The following LAMP5 variants were observed in gnomAD, a reference collection of about 807,000 sequenced individuals.
LAMP5 encodes the protein lysosome-associated membrane glycoprotein 5.
LAMP5 carries 36 observed loss-of-function variants against 30.2 expected under a neutral mutation model. That is an observed-to-expected ratio of 1.19 (90% CI 0.91 to 1.57). The LOEUF is 1.57. Ranked by LOEUF, LAMP5 falls within the 40% of genes most tolerant of loss-of-function variation. The probability of loss-of-function intolerance (pLI) is 0.00; values close to 1 mark genes in which losing one functional copy is unlikely to be tolerated. For synonymous variants in LAMP5, 149 were observed against 134.6 expected, an observed-to-expected ratio of 1.11 and a Z score of -0.74; for missense variants, 377 against 354.9, an observed-to-expected ratio of 1.06 and a Z score of -0.50.
intron 5 of LAMP5, among the ~76,000 whole-genome samples, chr20:9,526,506 G>A (rs1292619373): frequency 1.3e-5 from 2 of 152,116 alleles, no homozygotes; most frequent in Admixed American, 6.5e-5. Context: ...GTATCATACT[G>A]GCGAAGAAGA....
At position 9,514,662 on chromosome 20, in the gene LAMP5, C is replaced by A; in HGVS notation, c.-191C>A. 1.8e-6 allele frequency: 1 copy of A among 541,244 alleles called. No individual in the cohort carries two copies. 33.5% of individuals were successfully genotyped at this position (541,244 alleles called of 1,614,324 possible). A position where few individuals can be genotyped will look rare whatever the true frequency, so the allele number is the denominator to read the frequency against. Reference sequence around the variant, plus strand: ...CTCCGCAGTGAGCCGATTTGCTCTGCCAGCAGCTGTCGGTGCCGCGCTCGA... The same window carrying A: ...CTCCGCAGTGAGCCGATTTGCTCTGACAGCAGCTGTCGGTGCCGCGCTCGA... On this transcript the variant is annotated 5_prime_UTR_variant, in exon 1 of 6. Transcript: ENST00000246070.
rs373205650 is a variant in LAMP5 at position 9,529,674 on chromosome 20, C to G, written c.697C>G (p.Leu233Val). 39 of 1,614,072 alleles carry G rather than the reference C, an allele frequency of 2.4e-5. No homozygotes were observed. The highest frequency in any genetic ancestry group is 3.1e-5 in the Non-Finnish European group (36 of 1,180,042). Residue 233 changes from leucine (L) to valine (V), a missense_variant, in exon 6 of 6, where the codon CTG becomes GTG. Leu to Val is a conservative substitution (Grantham distance 32). Transcript: ENST00000246070. Reference sequence around the variant, plus strand: ...ATGCCCAGTGGATGAGCGGGAGCAACTGGAAGAAACCTTGCCCCTGATTTT... The same window carrying G: ...ATGCCCAGTGGATGAGCGGGAGCAAGTGGAAGAAACCTTGCCCCTGATTTT... ...HKCPVDEREQ[L>V]EETLPLILGL...
intron 1 of LAMP5, 120 bp downstream of exon 1, chr20:9,515,036 T>C (rs956880555): frequency 3.3e-6 from 3 of 915,340 alleles, no homozygotes; most frequent in Non-Finnish European, 5.1e-6. Flanking sequence ...TTGCGGTGTT[T>C]TTTCTTTTTT....
rs2045039821 is a variant in LAMP5 at position 9,516,352 on chromosome 20, G to T, written c.466G>T (p.Ala156Ser). ...DSSEKTHFKD[A>S]VSAGKHTANS... ...CTCGGAGAAAACCCACTTCAAAGACGCAGTCAGTGGTGAGTGGAGGCTGGC... is the reference window on the plus strand; with the variant it reads ...CTCGGAGAAAACCCACTTCAAAGACTCAGTCAGTGGTGAGTGGAGGCTGGC... Residue 156 changes from alanine to serine, a missense_variant, in exon 4 of 6, where the codon GCA becomes TCA. Physicochemically the swap from Ala to Ser is moderately conservative, Grantham distance 99. Transcript: ENST00000246070. 1 of 1,613,396 alleles carries T rather than the reference G, an allele frequency of 6.2e-7. No individual in the cohort carries two copies. Among genetic ancestry groups the T allele is most frequent in the African/African-American group, 1.3e-5 (1 of 74,914 alleles).
At chr20:9,528,900 A>T (rs778141093) in intron 5 of LAMP5, among the ~76,000 whole-genome samples, 1 of 152,192 alleles carries the variant, frequency 6.6e-6, no homozygotes, top group African/African-American at 2.4e-5. Flanking sequence ...TATTTCTGAG[A>T]TGCACCCATT....
chr20:9,515,481 A>G lies in LAMP5; in HGVS notation c.93A>G (p.Gln31=). Residue 31 remains glutamine (Q), a synonymous_variant, in exon 2 of 6, where the codon CAA becomes CAG. Transcript: ENST00000246070. ...CAATGGCTCAAATCATGGCAGAACAAGAAGTGGAAAATCTCTCAGGCCTTT... is the reference window on the plus strand; with the variant it reads ...CAATGGCTCAAATCATGGCAGAACAGGAAGTGGAAAATCTCTCAGGCCTTT... ...FHTMAQIMAE[Q]EVENLSGLST... is the part of the protein sequence containing the mutation. The G allele has an allele frequency of 1.2e-6, 2 of 1,614,164 alleles. No individual in the cohort carries two copies. The highest frequency in any genetic ancestry group is 1.7e-6 in the Non-Finnish European group (2 of 1,180,010).
At chr20:9,526,886 A>G (rs1245468977) in intron 5 of LAMP5, among the ~76,000 whole-genome samples, 8 of 140,530 alleles carry the variant, frequency 5.7e-5, no homozygotes, top group East Asian at 2.0e-4. Context: ...ATATATATAT[A>G]TATATATATA....
chr20:9,529,692 C>G lies in LAMP5; in HGVS notation c.715C>G (p.Leu239Val). ...EREQLEETLP[L>V]ILGLILGLVI... ...GGAGCAACTGGAAGAAACCTTGCCC[C>G]TGATTTTGGGGCTCATCTTGGGCCT... The change falls in exon 6 of 6, where the codon CTG becomes GTG. Residue 239 changes from leucine (L) to valine (V), a missense_variant. Coordinates refer to ENST00000246070, the MANE Select transcript of LAMP5 (RefSeq NM_012261.4). The G allele has an allele frequency of 6.2e-7, 1 of 1,614,202 alleles. No homozygotes were observed. The highest frequency in any genetic ancestry group is 1.1e-5 in the South Asian group (1 of 91,088).
intron 5 of LAMP5, among the ~76,000 whole-genome samples, chr20:9,523,626 T>C (rs1398876351): frequency 2.0e-5 from 3 of 152,140 alleles, no homozygotes; most frequent in Non-Finnish European, 4.4e-5. Flanking sequence ...TTCTTTCCAA[T>C]GATGAGGCTG....
intron 5 of LAMP5, among the ~76,000 whole-genome samples, chr20:9,526,865 T>C (rs2045116841): frequency 1.9e-5 from 1 of 51,700 alleles, no homozygotes; most frequent in South Asian, 7.1e-4. Context: ...TGTGTGTATA[T>C]ATATATATAT....
intron 5 of LAMP5, among the ~76,000 whole-genome samples, chr20:9,520,575 G>A (rs1258203007): frequency 6.8e-6 from 1 of 146,072 alleles, no homozygotes; most frequent in Non-Finnish European, 1.5e-5. Context: ...GTGTCCGTGT[G>A]TTCGTGTGTG....
rs1437032828 is a variant in LAMP5 at position 9,524,074 on chromosome 20, GT to G, written c.665-5565del. 4.6e-5 allele frequency among the ~76,000 whole-genome samples: 7 copies of G among 152,124 alleles called. No individual in the cohort carries two copies. The South Asian group carries it at 1.0e-3, about 22-fold the overall frequency. ...TCATAGGTATTTTCATCTCACTTTA[GT>G]TTGTGCAGATCTTGCAAAGTAACAT... On this transcript the variant is annotated intron_variant, in intron 5 of 5. Transcript: ENST00000246070.
chr20:9,525,700 T>C (rs1463147561), intron 5 of LAMP5, among the ~76,000 whole-genome samples: 1 of 152,170 alleles, frequency 6.6e-6, no homozygotes, highest in African/African-American at 2.4e-5. Context: ...TTGGTCAAGG[T>C]CGTTTGGTGC....
Position 9,516,128 on chromosome 20 carries a change from A to G in LAMP5, c.366A>G (p.Val122=). 6.4e-7 allele frequency: 1 copy of G among 1,560,558 alleles called. No homozygotes were observed. ...DRAYALKMLF[V]KESHNMSKGP... is the part of the protein sequence containing the mutation. The stretch of plus-strand genomic sequence containing the variant: ...CATATGCACTCAAAATGCTCTTTGT[A>G]AAGGTAACTCCGAGCCCAGCGGGCA... The change falls in exon 3 of 6, where the codon GTA becomes GTG. Residue 122 remains valine, a synonymous_variant. Transcript: ENST00000246070.
intron 5 of LAMP5, among the ~76,000 whole-genome samples, chr20:9,518,935 G>A (rs962431376): frequency 4.6e-5 from 7 of 152,184 alleles, no homozygotes; most frequent in Non-Finnish European, 8.8e-5. Flanking sequence ...GCCGTTTAAG[G>A]CCAGCTGCTT....
rs552738312 is a variant in LAMP5, at chr20:9,515,944, A to G, written c.238-56A>G. 3.3e-5 allele frequency: 48 copies of G among 1,438,272 alleles called. No homozygotes were observed. In the African/African-American group the frequency reaches 6.4e-4, roughly 19 times the overall value. The allele number at this position is 1,438,272 out of a possible 1,614,324, so 89.1% of individuals were successfully genotyped here. On this transcript the variant is annotated intron_variant, in intron 2 of 5. Coordinates refer to ENST00000246070, the MANE Select transcript of LAMP5 (RefSeq NM_012261.4). Reference sequence around the variant, plus strand: ...AGAGTTTGGACGCGCCGCCCTTTACAGCCCCCGCCCCGGGGCCGGGCGAGC... The same window carrying G: ...AGAGTTTGGACGCGCCGCCCTTTACGGCCCCCGCCCCGGGGCCGGGCGAGC...
chr20:9,516,213 G>A (rs776493886), intron 3 of LAMP5, 43 bp from the exon 4 acceptor site: 3 of 1,611,678 alleles, frequency 1.9e-6, no homozygotes, highest in Non-Finnish European at 2.5e-6. Context: ...TAAGAACCCA[G>A]ACGCTGCGGG....
At position 9,514,932 on chromosome 20, in the gene LAMP5, G is replaced by A; in HGVS notation, c.64+16G>A. ...ATGTTGTTCCGTGAGTAGCGATTTG[G>A]CGACTGGGAGAGAGGACGGGCACTC... On this transcript the variant is annotated intron_variant, in intron 1 of 5. Coordinates refer to ENST00000246070, the MANE Select transcript of LAMP5 (RefSeq NM_012261.4). The A allele has an allele frequency of 6.2e-7, 1 of 1,613,080 alleles. No individual in the cohort carries two copies. The highest frequency in any genetic ancestry group is 8.5e-7 in the Non-Finnish European group (1 of 1,179,002).
Position 9,514,737 on chromosome 20 carries a change from C to A in LAMP5, c.-116C>A. 1 of 892,106 alleles carries A rather than the reference C, an allele frequency of 1.1e-6. No homozygotes were observed. Among genetic ancestry groups the A allele is most frequent in the Non-Finnish European group, 1.8e-6 (1 of 557,744 alleles). The allele number at this position is 892,106 out of a possible 1,614,324, so 55.3% of individuals were successfully genotyped here. On this transcript the variant is annotated 5_prime_UTR_variant, in exon 1 of 6. Coordinates refer to ENST00000246070, the MANE Select transcript of LAMP5 (RefSeq NM_012261.4). ...CAGAATACGCGCTCCCTCCCTCCCC[C>A]TTCTCTGTCCCCCGCCTCTCGCTCA... is the stretch of plus-strand genomic sequence containing the variant.
Sources: allele counts gnomAD v4.1 joint callset (sites outside exome capture counted in the v4.1 genomes callset), GRCh38; gene constraint gnomAD v4.1.1; transcripts MANE v1.5; gene names NCBI Gene and HGNC (gene_info 2026-07-23, HGNC 2026-07-21).